The following LRRIQ3 variants were observed in gnomAD, a reference collection of about 807,000 sequenced individuals.
The protein encoded by LRRIQ3 is leucine-rich repeat and IQ domain-containing protein 3.
A neutral mutation model predicts 59.3 loss-of-function variants in LRRIQ3; 75 were observed. The observed-to-expected ratio is 1.26, with a 90% CI of 1.05 to 1.53. The LOEUF is 1.53. LRRIQ3 is among the 40% of genes most tolerant of loss of function. The probability of loss-of-function intolerance (pLI) is 0.00; values close to 1 mark genes in which losing one functional copy is unlikely to be tolerated. For synonymous variants in LRRIQ3, 250 were observed against 231.3 expected (o/e 1.08, Z -0.73); for missense variants, 831 against 710.0 (o/e 1.17, Z -1.94).
chr1:74,108,187 A>G (rs12036314), intron 5 of LRRIQ3, among the ~76,000 whole-genome samples: 46,083 of 151,600 alleles, frequency 0.3, 7,796 homozygotes, highest in Middle Eastern at 0.44. Context: ...ATTGGTTATC[A>G]GTATACTGAT....
chr1:74,054,874 T>C (rs1354626001), intron 6 of LRRIQ3, among the ~76,000 whole-genome samples: 1 of 147,524 alleles, frequency 6.8e-6, no homozygotes, highest in Non-Finnish European at 1.5e-5. Flanking sequence ...CAATTATAAA[T>C]ATAATTTAAA....
chr1:74,088,721 G>T (rs1193526874), intron 5 of LRRIQ3, among the ~76,000 whole-genome samples: 2 of 151,476 alleles, frequency 1.3e-5, no homozygotes, highest in East Asian at 3.9e-4. Flanking sequence ...ACGCTTAGAA[G>T]AAAACATAGA....
chr1:74,064,381 T>C (rs969353637), intron 6 of LRRIQ3, among the ~76,000 whole-genome samples: 2 of 151,994 alleles, frequency 1.3e-5, no homozygotes, highest in African/African-American at 4.8e-5. Flanking sequence ...TGGCCAACAA[T>C]ATAATTATGT....
chr1:74,058,579 G>A (rs1654607725), intron 6 of LRRIQ3, among the ~76,000 whole-genome samples: 1 of 152,024 alleles, frequency 6.6e-6, no homozygotes, highest in Admixed American at 6.6e-5. Flanking sequence ...TGTTGGAGAA[G>A]GGAAATAGTC....
rs7546306 is a variant in LRRIQ3 at position 74,098,511 on chromosome 1, A to C, written c.867+10883T>G. Among the ~76,000 whole-genome samples, 5 of 151,896 alleles carry C rather than the reference A, an allele frequency of 3.3e-5. No individual in the cohort carries two copies. In the South Asian group the frequency reaches 6.3e-4, roughly 19 times the overall value. On this transcript the variant is annotated intron_variant, in intron 5 of 7. Coordinates refer to ENST00000354431, the MANE Select transcript of LRRIQ3 (RefSeq NM_001105659.2). ...GCAGATCAACGAGACAGAAAGTTAAAAAGGATATCCAGGAATTGAACTCAG... is the reference window on the plus strand; with the variant it reads ...GCAGATCAACGAGACAGAAAGTTAACAAGGATATCCAGGAATTGAACTCAG...
Position 74,138,266 on chromosome 1 carries a change from A to G in LRRIQ3, c.707+17467T>C, listed in dbSNP as rs1403608995. 2.0e-5 allele frequency among the ~76,000 whole-genome samples: 3 copies of G among 152,064 alleles called. No individual in the cohort carries two copies. The East Asian group carries it at 5.8e-4, about 30-fold the overall frequency. On this transcript the variant is annotated intron_variant, in intron 4 of 7. Coordinates refer to ENST00000354431, the MANE Select transcript of LRRIQ3 (RefSeq NM_001105659.2). Reference sequence around the variant, plus strand: ...GGTAGAGGTCAGTACAGATAAGCATAAAGACCTTTAGCATTTTTCATTTTA... The same window carrying G: ...GGTAGAGGTCAGTACAGATAAGCATGAAGACCTTTAGCATTTTTCATTTTA...
chr1:74,097,008 A>C (rs1403180163), intron 5 of LRRIQ3, among the ~76,000 whole-genome samples: 1 of 152,104 alleles, frequency 6.6e-6, no homozygotes, highest in African/African-American at 2.4e-5. Context: ...GATCCACTTG[A>C]GGAGGCAGTC....
intron 3 of LRRIQ3, among the ~76,000 whole-genome samples, chr1:74,164,207 T>C (rs1648831889): frequency 6.6e-6 from 1 of 151,492 alleles, no homozygotes; most frequent in Non-Finnish European, 1.5e-5. Flanking sequence ...TGCTATAGGC[T>C]GAATCGTTTC....
intron 4 of LRRIQ3, among the ~76,000 whole-genome samples, chr1:74,131,143 T>G (rs1647010958): frequency 6.6e-6 from 1 of 152,168 alleles, no homozygotes; most frequent in African/African-American, 2.4e-5. Context: ...GATAAATTCC[T>G]GGACACATAC....
chr1:74,189,678 G>A (rs1650632769), intron 1 of LRRIQ3, among the ~76,000 whole-genome samples: 1 of 152,050 alleles, frequency 6.6e-6, no homozygotes, highest in Non-Finnish European at 1.5e-5. Flanking sequence ...TACCGTTCTT[G>A]TGGTAGTGAA....
intron 6 of LRRIQ3, among the ~76,000 whole-genome samples, chr1:74,070,349 A>T (rs1447244781): frequency 6.6e-6 from 1 of 152,116 alleles, no homozygotes; most frequent in Non-Finnish European, 1.5e-5. Flanking sequence ...GCTGGAGGCC[A>T]TTATTCTAAG....
chr1:74,144,456 A>G (rs780863693), intron 4 of LRRIQ3: 3 of 339,444 alleles, frequency 8.8e-6, no homozygotes, highest in Non-Finnish European at 1.8e-5. Context: ...TTTTTCTATC[A>G]ACTTAAAAAT....
chr1:74,071,080 TTTATAG>T (rs1056443106), intron 6 of LRRIQ3, among the ~76,000 whole-genome samples: 2 of 150,156 alleles, frequency 1.3e-5, no homozygotes, highest in African/African-American at 5.0e-5. Context: ...CTATACAAAT[TTTATAG>T]TTATATATAT....
chr1:74,060,267 TTC>T lies in LRRIQ3; in HGVS notation c.997+14392_997+14393del. On this transcript the variant is annotated intron_variant, in intron 6 of 7. Coordinates refer to ENST00000354431, the MANE Select transcript of LRRIQ3 (RefSeq NM_001105659.2). ...CTTCTTCTTCTTCTTCCTCTTCCTC[TTC>T]TTTCTCTTCCTCCTCCTCCTCTTCC... 3.4e-5 allele frequency among the ~76,000 whole-genome samples: 5 copies of T among 147,362 alleles called. No homozygotes were observed. In the Middle Eastern group the frequency reaches 0.014, roughly 407 times the overall value.
At chr1:74,057,767 C>A (rs1477200400) in intron 6 of LRRIQ3, among the ~76,000 whole-genome samples, 1 of 152,070 alleles carries the variant, frequency 6.6e-6, no homozygotes, top group Non-Finnish European at 1.5e-5. Flanking sequence ...TGAAAAGCTG[C>A]TGCACAGCAA....
intron 7 of LRRIQ3, among the ~76,000 whole-genome samples, chr1:74,030,155 T>C (rs1653655319): frequency 6.6e-6 from 1 of 152,118 alleles, no homozygotes; most frequent in Admixed American, 6.6e-5. Context: ...TCCATGCTCA[T>C]GGATAGGAGA....
intron 5 of LRRIQ3, among the ~76,000 whole-genome samples, chr1:74,106,945 G>A (rs1646623752): frequency 6.6e-6 from 1 of 151,950 alleles, no homozygotes; most frequent in South Asian, 2.1e-4. Flanking sequence ...TCTAGGAAGT[G>A]TTCCACATCC....
In LRRIQ3 at chr1:74,026,815, A is replaced by C; in HGVS notation, c.1873T>G (p.Ter625GlyextTer18). Reference sequence around the variant, plus strand: ...ATAGGATGTGATCTGGCATTGATTCATTTTATCAGTCCATTGGGAACTTTA... The same window carrying C: ...ATAGGATGTGATCTGGCATTGATTCCTTTTATCAGTCCATTGGGAACTTTA... ...DFKVPNGLIK[*>G] is the part of the protein sequence containing the mutation. The change falls in exon 8 of 8, where the codon TGA becomes GGA. Residue 625 changes from the stop codon to glycine (G), a stop_lost. Coordinates refer to ENST00000354431, the MANE Select transcript of LRRIQ3 (RefSeq NM_001105659.2). 6.3e-7 allele frequency: 1 copy of C among 1,599,470 alleles called. No individual in the cohort carries two copies. The highest frequency in any genetic ancestry group is 8.5e-7 in the Non-Finnish European group (1 of 1,175,002).
chr1:74,109,274 A>G (rs1369981952), intron 5 of LRRIQ3, 120 bp downstream of exon 5: 6 of 751,996 alleles, frequency 8.0e-6, no homozygotes, highest in African/African-American at 3.5e-5. Flanking sequence ...ATAAAGCAGG[A>G]TATTAACAAT....
Sources: gnomAD v4.1 joint callset for allele counts (sites outside exome capture counted in the v4.1 genomes callset) on GRCh38, gnomAD v4.1.1 for gene constraint, MANE v1.5 for transcripts, NCBI Gene and HGNC (gene_info 2026-07-23, HGNC 2026-07-21) for gene names.